The following LSAMP variants were observed in gnomAD, a reference collection of about 807,000 sequenced individuals.
The protein encoded by LSAMP is limbic system associated membrane protein.
In LSAMP, 7 loss-of-function variants were observed where a neutral mutation model predicts 38.6. The observed-to-expected ratio is 0.18, with a 90% CI of 0.10 to 0.34. The LOEUF (loss-of-function observed/expected upper bound fraction) is 0.34. Among genes scored for constraint, LSAMP ranks in the 10% least tolerant of loss-of-function variants. LSAMP has a pLI of 1.00. For missense variants in LSAMP, 313 were observed against 420.0 expected, an observed-to-expected ratio of 0.75 and a Z score of 2.23; for synonymous variants, 154 against 166.8, an observed-to-expected ratio of 0.92 and a Z score of 0.59.
chr3:116,373,217 G>A (rs1559845667), intron 1 of LSAMP, among the ~76,000 whole-genome samples: 1 of 148,080 alleles, frequency 6.8e-6, no homozygotes, highest in African/African-American at 2.5e-5. Context: ...TTATATATAT[G>A]TATATATATA....
chr3:116,025,206 T>G (rs1430197397), intron 2 of LSAMP, among the ~76,000 whole-genome samples: 1 of 152,124 alleles, frequency 6.6e-6, no homozygotes, highest in African/African-American at 2.4e-5. Flanking sequence ...AATATTAGTG[T>G]GATTTATTAT....
At chr3:115,856,548 G>A (rs1935513831) in intron 3 of LSAMP, among the ~76,000 whole-genome samples, 2 of 152,042 alleles carry the variant, frequency 1.3e-5, no homozygotes, top group African/African-American at 4.8e-5. Flanking sequence ...CAACCTGGGA[G>A]GCGGAGGTTG....
intron 3 of LSAMP, among the ~76,000 whole-genome samples, chr3:115,988,698 ACTT>A (rs1402203554): frequency 1.3e-5 from 2 of 152,238 alleles, no homozygotes; most frequent in African/African-American, 4.8e-5. Flanking sequence ...ACACATATTT[ACTT>A]CTTTATATTC....
At chr3:116,253,016 C>T (rs1328937113) in intron 1 of LSAMP, among the ~76,000 whole-genome samples, 3 of 152,148 alleles carry the variant, frequency 2.0e-5, no homozygotes, top group Non-Finnish European at 4.4e-5. Context: ...CGAATCAATA[C>T]GACATTCAAC....
rs1348926977 is a variant in LSAMP, at chr3:116,069,581, A to G, written c.388+16743T>C. 2.0e-5 allele frequency among the ~76,000 whole-genome samples: 3 copies of G among 152,134 alleles called. No individual in the cohort carries two copies. In the South Asian group the frequency reaches 6.2e-4, roughly 32 times the overall value. ...TCAGAAAAAAAAAAATGTGGGAAAG[A>G]GGTAATGAGGGTCTATGTTAGAGAA... On this transcript the variant is annotated intron_variant, in intron 2 of 6. Coordinates refer to ENST00000490035, the MANE Select transcript of LSAMP (RefSeq NM_002338.5).
chr3:115,981,775 C>T (rs74505980), intron 3 of LSAMP, among the ~76,000 whole-genome samples: 2,367 of 152,266 alleles, frequency 0.016, 56 homozygotes, highest in African/African-American at 0.053. Flanking sequence ...CAACCAAATC[C>T]GCACATCGGA....
intron 3 of LSAMP, among the ~76,000 whole-genome samples, chr3:115,893,881 A>T (rs1936663835): frequency 6.6e-6 from 1 of 151,970 alleles, no homozygotes; most frequent in Non-Finnish European, 1.5e-5. Context: ...GAGATAGATG[A>T]CCGTGCTGGG....
intron 1 of LSAMP, among the ~76,000 whole-genome samples, chr3:116,414,226 T>C (rs564727359): frequency 4.6e-5 from 7 of 152,116 alleles, no homozygotes; most frequent in African/African-American, 1.7e-4. Context: ...GGCAGAAGTC[T>C]TCACTACAGG....
intron 1 of LSAMP, among the ~76,000 whole-genome samples, chr3:116,154,988 C>G (rs57196061): frequency 1.3e-5 from 2 of 151,462 alleles, no homozygotes; most frequent in Non-Finnish European, 1.5e-5. Flanking sequence ...CAGATCTCAG[C>G]TCCACTGTCA....
intron 1 of LSAMP, among the ~76,000 whole-genome samples, chr3:116,383,330 A>G (rs1419176786): frequency 6.6e-6 from 1 of 152,138 alleles, no homozygotes; most frequent in Non-Finnish European, 1.5e-5. Context: ...TGCTTGCTAT[A>G]TGCCCCATAG....
intron 1 of LSAMP, among the ~76,000 whole-genome samples, chr3:116,181,374 A>G (rs571122747): frequency 3.5e-4 from 54 of 152,194 alleles, no homozygotes; most frequent in Admixed American, 7.2e-4. Flanking sequence ...CTGAAAAGTC[A>G]TAATTCAACA....
chr3:116,333,017 A>G (rs1367916149), intron 1 of LSAMP, among the ~76,000 whole-genome samples: 2 of 152,126 alleles, frequency 1.3e-5, no homozygotes, highest in Admixed American at 1.3e-4. Context: ...AAAGGGAGAA[A>G]TAGACAGTAT....
chr3:116,304,559 G>A lies in LSAMP; in HGVS notation c.155+140318C>T, dbSNP rs147605183. Among the ~76,000 whole-genome samples, 40 of 152,232 alleles carry A rather than the reference G, an allele frequency of 2.6e-4. No individual in the cohort carries two copies. In the East Asian group the frequency reaches 7.1e-3, roughly 27 times the overall value. ...AAAGGAAACAACTGAGCTGGGAAGCGTGGGTCAGGATGACACATGTATTCA... is the reference window on the plus strand; with the variant it reads ...AAAGGAAACAACTGAGCTGGGAAGCATGGGTCAGGATGACACATGTATTCA... On this transcript the variant is annotated intron_variant, in intron 1 of 6. Transcript: ENST00000490035.
intron 3 of LSAMP, among the ~76,000 whole-genome samples, chr3:115,905,091 A>T (rs1936976293): frequency 6.6e-6 from 1 of 152,104 alleles, no homozygotes; most frequent in Non-Finnish European, 1.5e-5. Context: ...TCTTGGATAA[A>T]ATGCTCTTTT....
At chr3:115,937,798 GCCAGC>G (rs1937758858) in intron 3 of LSAMP, among the ~76,000 whole-genome samples, 1 of 2,104 alleles carries the variant, frequency 4.8e-4, no homozygotes, top group Non-Finnish European at 2.3e-3. Context: ...ATCCTGTATG[GCCAGC>G]TAAATGATAT....
chr3:116,349,399 G>C (rs1033129747), intron 1 of LSAMP, among the ~76,000 whole-genome samples: 9 of 151,056 alleles, frequency 6.0e-5, no homozygotes, highest in African/African-American at 1.9e-4. Flanking sequence ...TTTAATATGA[G>C]AAGCAAACTG....
chr3:116,437,477 T>C (rs11927038), intron 1 of LSAMP, among the ~76,000 whole-genome samples: 2,407 of 152,202 alleles, frequency 0.016, 73 homozygotes, highest in African/African-American at 0.055. Context: ...AGACAGATAG[T>C]AGACATGTGC....
chr3:116,239,207 A>G (rs553380625), intron 1 of LSAMP, among the ~76,000 whole-genome samples: 1 of 152,254 alleles, frequency 6.6e-6, no homozygotes, highest in Non-Finnish European at 1.5e-5. Context: ...TGAGTAGAGT[A>G]AAGGGGATGA....
intron 1 of LSAMP, among the ~76,000 whole-genome samples, chr3:116,293,814 T>C (rs1218077223): frequency 6.6e-6 from 1 of 152,174 alleles, no homozygotes; most frequent in Non-Finnish European, 1.5e-5. Context: ...GGAATTGTTC[T>C]ATACTTTGAC....
Sources: allele counts gnomAD v4.1 joint callset (sites outside exome capture counted in the v4.1 genomes callset), GRCh38; gene constraint gnomAD v4.1.1; transcripts MANE v1.5; gene names NCBI Gene and HGNC (gene_info 2026-07-23, HGNC 2026-07-21).